The following PTCHD4 variants were observed in gnomAD, a reference collection of about 807,000 sequenced individuals.
PTCHD4 encodes patched domain containing 4.
A neutral mutation model predicts 58.1 loss-of-function variants in PTCHD4; 33 were observed. The observed-to-expected ratio is 0.57, with a 90% CI of 0.43 to 0.76. The LOEUF (loss-of-function observed/expected upper bound fraction) is 0.76. PTCHD4 is among the 30% of genes least tolerant of loss of function. The probability of loss-of-function intolerance (pLI) is 0.00; values close to 1 mark genes in which losing one functional copy is unlikely to be tolerated. For missense variants in PTCHD4, 1,058 were observed against 1,027.1 expected, an observed-to-expected ratio of 1.03 and a Z score of -0.41; for synonymous variants, 478 against 409.6, an observed-to-expected ratio of 1.17 and a Z score of -2.02.
rs1351855895 is a variant in PTCHD4, at chr6:48,073,397, T to A, written c.-969-3471A>T. 5.9e-5 allele frequency among the ~76,000 whole-genome samples: 9 copies of A among 152,306 alleles called. No homozygotes were observed. The East Asian group carries it at 1.5e-3, about 26-fold the overall frequency. ...ATGTTTTAAATAAGACACCTAATTA[T>A]TTGGTCCTGTTTGTTCATAAATATA... On this transcript the variant is annotated intron_variant, in intron 1 of 4. Transcript: ENST00000339488.
At chr6:48,047,911 C>G (rs1034982168) in intron 3 of PTCHD4, among the ~76,000 whole-genome samples, 1 of 151,332 alleles carries the variant, frequency 6.6e-6, no homozygotes, top group African/African-American at 2.4e-5. Flanking sequence ...GTTACAGCAG[C>G]CTGATATGAC....
In PTCHD4 at chr6:47,872,028, CTTT is replaced by C. The variant is rs536307160; in HGVS notation, c.*6272_*6274del. Among the ~76,000 whole-genome samples the C allele has an allele frequency of 6.9e-6, 1 of 144,360 alleles. No individual in the cohort carries two copies. Among genetic ancestry groups the C allele is most frequent in the Non-Finnish European group, 1.5e-5 (1 of 65,196 alleles). The allele number at this position is 144,360 out of a possible 152,430, so 94.7% of individuals were successfully genotyped here. A position where few individuals can be genotyped will look rare whatever the true frequency, so the allele number is the denominator to read the frequency against. On this transcript the variant is annotated 3_prime_UTR_variant, in exon 5 of 5. Coordinates refer to ENST00000339488, the MANE Select transcript of PTCHD4 (RefSeq NM_001384253.1). ...AGATGCAAGAATATGACGGCTTATT[CTTT>C]TTTTTTTTTCCCCAGCTCTATCAGT... is the stretch of plus-strand genomic sequence containing the variant.
At chr6:48,007,463 C>G (rs1306459463) in intron 4 of PTCHD4, among the ~76,000 whole-genome samples, 1 of 152,144 alleles carries the variant, frequency 6.6e-6, no homozygotes, top group East Asian at 1.9e-4. Flanking sequence ...GCCAATAAAG[C>G]TGTAATTCAG....
At chr6:48,018,154 T>C (rs569189898) in intron 3 of PTCHD4, among the ~76,000 whole-genome samples, 14 of 152,322 alleles carry the variant, frequency 9.2e-5, no homozygotes, top group African/African-American at 3.4e-4. Flanking sequence ...CAAATGTTTG[T>C]AATATGGTGG....
At chr6:48,063,943 T>C (rs1476021242) in intron 3 of PTCHD4, among the ~76,000 whole-genome samples, 1 of 152,206 alleles carries the variant, frequency 6.6e-6, no homozygotes, top group Admixed American at 6.5e-5. Flanking sequence ...AACGGCAACA[T>C]CTTCCAAACC....
intron 4 of PTCHD4, among the ~76,000 whole-genome samples, chr6:47,929,833 C>A (rs1042921681): frequency 3.9e-5 from 6 of 152,202 alleles, no homozygotes; most frequent in Non-Finnish European, 7.3e-5. Flanking sequence ...CTCTTTCTGG[C>A]CCCTTTCACT....
chr6:48,070,434 A>G (rs184871540), intron 1 of PTCHD4, among the ~76,000 whole-genome samples: 261 of 152,308 alleles, frequency 1.7e-3, no homozygotes, highest in African/African-American at 5.8e-3. Context: ...CAGTTAAGAG[A>G]CCAATGACAC....
intron 1 of PTCHD4, among the ~76,000 whole-genome samples, chr6:48,082,729 T>A (rs1229361142): frequency 1.3e-5 from 2 of 152,182 alleles, no homozygotes; most frequent in South Asian, 2.1e-4. Flanking sequence ...TTCTTTTATA[T>A]TCCCACAAAA....
chr6:47,947,608 A>G (rs1022000826), intron 4 of PTCHD4, among the ~76,000 whole-genome samples: 1 of 152,178 alleles, frequency 6.6e-6, no homozygotes, highest in African/African-American at 2.4e-5. Context: ...TGCATTAAAG[A>G]TAATTGTATT....
chr6:48,021,346 C>T (rs1286767515), intron 3 of PTCHD4, among the ~76,000 whole-genome samples: 1 of 151,936 alleles, frequency 6.6e-6, no homozygotes, highest in Admixed American at 6.6e-5. Context: ...GCTGATCTGG[C>T]CTTGCACTTG....
chr6:47,974,628 T>G (rs1300444069), intron 4 of PTCHD4, among the ~76,000 whole-genome samples: 1 of 152,190 alleles, frequency 6.6e-6, no homozygotes, highest in Non-Finnish European at 1.5e-5. Flanking sequence ...TTTTCAGGCA[T>G]TGCTAAATAT....
At chr6:47,992,379 C>T (rs1768315063) in intron 4 of PTCHD4, among the ~76,000 whole-genome samples, 1 of 151,928 alleles carries the variant, frequency 6.6e-6, no homozygotes, top group Non-Finnish European at 1.5e-5. Context: ...AAACTGATTA[C>T]CAGAAGACTT....
rs964625996 is a variant in PTCHD4 at position 47,857,905 on chromosome 6, A to G, written c.*20398T>C. ...TTTTTAGCAAACTGTAACTATAAATAGTTCTATATCAAGGTACACATATGT... is the reference window on the plus strand; with the variant it reads ...TTTTTAGCAAACTGTAACTATAAATGGTTCTATATCAAGGTACACATATGT... On this transcript the variant is annotated 3_prime_UTR_variant, in exon 5 of 5. Coordinates refer to ENST00000339488, the MANE Select transcript of PTCHD4 (RefSeq NM_001384253.1). Among the ~76,000 whole-genome samples, 1 of 152,062 alleles carries G rather than the reference A, an allele frequency of 6.6e-6. No homozygotes were observed. Among genetic ancestry groups the G allele is most frequent in the African/African-American group, 2.4e-5 (1 of 41,412 alleles).
intron 4 of PTCHD4, among the ~76,000 whole-genome samples, chr6:47,892,006 G>T (rs1764395800): frequency 6.6e-6 from 1 of 152,156 alleles, no homozygotes; most frequent in African/African-American, 2.4e-5. Flanking sequence ...ACCACTAAAA[G>T]GGATGGCTTC....
At chr6:47,948,020 TTTC>T (rs1357510209) in intron 4 of PTCHD4, among the ~76,000 whole-genome samples, 1 of 152,210 alleles carries the variant, frequency 6.6e-6, no homozygotes, top group Non-Finnish European at 1.5e-5. Context: ...TTCTCAGAAA[TTTC>T]TTCCCTCAAA....
chr6:48,028,308 T>C (rs1353027498), intron 3 of PTCHD4, among the ~76,000 whole-genome samples: 1 of 152,062 alleles, frequency 6.6e-6, no homozygotes, highest in Non-Finnish European at 1.5e-5. Context: ...TTGATTTGGC[T>C]AAGGTTAAAA....
At chr6:47,936,265 C>T (rs1340562104) in intron 4 of PTCHD4, among the ~76,000 whole-genome samples, 3 of 152,160 alleles carry the variant, frequency 2.0e-5, no homozygotes, top group African/African-American at 7.2e-5. Context: ...TCTTGAAGTT[C>T]TATCCAATAT....
At chr6:47,913,256 T>C (rs1013873654) in intron 4 of PTCHD4, among the ~76,000 whole-genome samples, 16 of 152,114 alleles carry the variant, frequency 1.1e-4, no homozygotes, top group African/African-American at 3.6e-4. Context: ...ATATTCTGTT[T>C]ATAATGACAG....
At chr6:48,019,837 G>T (rs897586048) in intron 3 of PTCHD4, among the ~76,000 whole-genome samples, 1 of 152,164 alleles carries the variant, frequency 6.6e-6, no homozygotes, top group Non-Finnish European at 1.5e-5. Flanking sequence ...GTACTAAGGA[G>T]GCTTTCTAAA....
Sources: allele counts gnomAD v4.1 joint callset (sites outside exome capture counted in the v4.1 genomes callset), GRCh38; gene constraint gnomAD v4.1.1; transcripts MANE v1.5; gene names NCBI Gene and HGNC (gene_info 2026-07-23, HGNC 2026-07-21).